The following NSUN6 variants were observed in gnomAD, a reference collection of about 807,000 sequenced individuals.
NSUN6 encodes the protein NOP2/Sun RNA methyltransferase 6, also known as tRNA (cytosine(72)-C(5))-methyltransferase NSUN6.
NSUN6 carries 64 observed loss-of-function variants against 58.0 expected under a neutral mutation model. The ratio of observed to expected loss-of-function variants is 1.10; its 90% CI spans 0.90 to 1.36. NSUN6 has a LOEUF of 1.36. NSUN6 is among the 40% of genes most tolerant of loss of function. The pLI is 0.00. For synonymous variants in NSUN6, 231 were observed against 193.9 expected, an observed-to-expected ratio of 1.19 and a Z score of -1.59; for missense variants, 701 against 550.1, an observed-to-expected ratio of 1.27 and a Z score of -2.74.
At chr10:18,620,144 G>A (rs7094592) in intron 3 of NSUN6, among the ~76,000 whole-genome samples, 1,678 of 151,202 alleles carry the variant, frequency 0.011, 32 homozygotes, top group African/African-American at 0.038. Context: ...CTGGAGTGCA[G>A]TTGCGCCATC....
In NSUN6 at chr10:18,650,985, C is replaced by T. The variant is rs374032228; in HGVS notation, c.75+144G>A. On this transcript the variant is annotated intron_variant, in intron 1 of 10. Transcript: ENST00000377304. ...CAGTAAGCTTTAATACCTGTAGAAACATATTGGTATTTTTACACTTGATAG... is the reference window on the plus strand; with the variant it reads ...CAGTAAGCTTTAATACCTGTAGAAATATATTGGTATTTTTACACTTGATAG... The T allele has an allele frequency of 1.8e-4, 159 of 865,608 alleles. No homozygotes were observed. In the African/African-American group the frequency reaches 2.3e-3, roughly 13 times the overall value. The allele number at this position is 865,608 out of a possible 1,614,324, so 53.6% of individuals were successfully genotyped here. A position where few individuals can be genotyped will look rare whatever the true frequency, so the allele number is the denominator to read the frequency against.
At chr10:18,628,011 T>G (rs2058884570) in intron 3 of NSUN6, among the ~76,000 whole-genome samples, 2 of 152,234 alleles carry the variant, frequency 1.3e-5, no homozygotes, top group African/African-American at 4.8e-5. Context: ...TGTCCCTGTC[T>G]GATAGCTTTG....
Position 18,651,554 on chromosome 10 carries a change from C to T in NSUN6, c.-351G>A, listed in dbSNP as rs970622027. The T allele has an allele frequency of 3.0e-6, 3 of 1,006,374 alleles. No homozygotes were observed. The highest frequency in any genetic ancestry group is 3.6e-6 in the Non-Finnish European group (3 of 844,020). The allele number at this position is 1,006,374 out of a possible 1,614,324, so 62.3% of individuals were successfully genotyped here. On this transcript the variant is annotated 5_prime_UTR_variant, in exon 1 of 11. Transcript: ENST00000377304. Reference sequence around the variant, plus strand: ...AACGGACGCAGATCAGTAAGCCAGGCTGACAGCAGCTCGGTCCCTTTATCT... The same window carrying T: ...AACGGACGCAGATCAGTAAGCCAGGTTGACAGCAGCTCGGTCCCTTTATCT...
At chr10:18,616,101 A>G in intron 4 of NSUN6, 83 bp downstream of exon 4, 1 of 830,300 alleles carries the variant, frequency 1.2e-6, no homozygotes, top group Non-Finnish European at 2.0e-6. Context: ...AATATATCTT[A>G]GTGACAAATC....
intron 8 of NSUN6, among the ~76,000 whole-genome samples, chr10:18,555,861 G>A (rs1455380960): frequency 2.7e-5 from 4 of 150,184 alleles, no homozygotes; most frequent in East Asian, 2.1e-4. Flanking sequence ...ATGGAGAATG[G>A]AATGGAATGG....
chr10:18,569,201 C>T (rs918162031), intron 8 of NSUN6, among the ~76,000 whole-genome samples: 1 of 150,126 alleles, frequency 6.7e-6, no homozygotes, highest in East Asian at 2.0e-4. Flanking sequence ...CATTCCATTC[C>T]ATTCTGCATT....
intron 7 of NSUN6, among the ~76,000 whole-genome samples, chr10:18,593,783 G>T (rs1055431094): frequency 6.6e-6 from 1 of 151,818 alleles, no homozygotes; most frequent in Non-Finnish European, 1.5e-5. Context: ...TAGATAACGG[G>T]TTGATAGGTA....
chr10:18,607,003 A>G (rs1564793131), intron 6 of NSUN6, among the ~76,000 whole-genome samples: 1 of 152,254 alleles, frequency 6.6e-6, no homozygotes, highest in East Asian at 1.9e-4. Context: ...TATGGCTACC[A>G]AGAGCTTCTT....
intron 7 of NSUN6, among the ~76,000 whole-genome samples, chr10:18,588,781 C>A (rs928552628): frequency 6.6e-6 from 1 of 152,182 alleles, no homozygotes; most frequent in African/African-American, 2.4e-5. Flanking sequence ...CCTCAAAGAT[C>A]AAAGGTATAT....
intron 6 of NSUN6, among the ~76,000 whole-genome samples, chr10:18,603,867 G>A (rs773779609): frequency 3.3e-4 from 50 of 152,136 alleles, no homozygotes; most frequent in Non-Finnish European, 4.3e-4. Flanking sequence ...AGCAACAGCT[G>A]AGCACTAACT....
At chr10:18,558,144 A>G (rs551321122) in intron 8 of NSUN6, among the ~76,000 whole-genome samples, 1 of 151,002 alleles carries the variant, frequency 6.6e-6, no homozygotes, top group South Asian at 2.1e-4. Flanking sequence ...ATGCGAATAG[A>G]ATGGAATGAA....
At chr10:18,656,244 G>A (rs184038897), upstream of NSUN6, among the ~76,000 whole-genome samples, 33 of 152,198 alleles carry the variant, frequency 2.2e-4, no homozygotes, top group African/African-American at 7.2e-4. Flanking sequence ...AATCACAATG[G>A]GCATTACCTT....
chr10:18,572,146 C>T (rs1359916142), intron 8 of NSUN6, among the ~76,000 whole-genome samples: 1 of 151,746 alleles, frequency 6.6e-6, no homozygotes, highest in African/African-American at 2.4e-5. Flanking sequence ...CTTCCATTCT[C>T]CATTCCACTC....
In NSUN6 at chr10:18,618,027, A is replaced by T. The variant is rs561236734; in HGVS notation, c.312-1734T>A. ...AGGTATTCTGCTATAGCAGCAAAAA[A>T]TAAACTAAGACACTCAGCGTCATCT... On this transcript the variant is annotated intron_variant, in intron 3 of 10. Transcript: ENST00000377304. Among the ~76,000 whole-genome samples, 349 of 152,338 alleles carry T rather than the reference A, an allele frequency of 2.3e-3. 3 individuals are homozygous for T. The highest frequency in any genetic ancestry group is 8.1e-3 in the African/African-American group (336 of 41,584).
At chr10:18,563,886 T>A (rs2055730329) in intron 8 of NSUN6, among the ~76,000 whole-genome samples, 1 of 151,392 alleles carries the variant, frequency 6.6e-6, no homozygotes, top group Admixed American at 6.6e-5. Context: ...CATTCTCCAT[T>A]CCATTCCATC....
intron 3 of NSUN6, among the ~76,000 whole-genome samples, 173 bp from the exon 4 acceptor site, chr10:18,616,466 C>G (rs373943866): frequency 3.3e-5 from 5 of 152,142 alleles, no homozygotes; most frequent in African/African-American, 1.2e-4. Context: ...AACAGCAACA[C>G]GAAGATGGGC....
At chr10:18,621,693 C>T (rs189724509) in intron 3 of NSUN6, among the ~76,000 whole-genome samples, 47 of 152,174 alleles carry the variant, frequency 3.1e-4, no homozygotes, top group African/African-American at 1.1e-3. Flanking sequence ...ACTATAAATA[C>T]ACCTAGATTG....
chr10:18,645,324 CA>C (rs1172982738), intron 2 of NSUN6, among the ~76,000 whole-genome samples: 1 of 151,998 alleles, frequency 6.6e-6, no homozygotes, highest in Non-Finnish European at 1.5e-5. Context: ...GTTTCCTGCA[CA>C]AAATTATATA....
chr10:18,657,908 A>G (rs2059795404), upstream of NSUN6, among the ~76,000 whole-genome samples: 1 of 152,004 alleles, frequency 6.6e-6, no homozygotes, highest in Admixed American at 6.6e-5. Context: ...CCCAGCGCCC[A>G]GCCAAATGTC....
Sources: gnomAD v4.1 joint callset for allele counts (sites outside exome capture counted in the v4.1 genomes callset) on GRCh38, gnomAD v4.1.1 for gene constraint, MANE v1.5 for transcripts, NCBI Gene and HGNC (gene_info 2026-07-23, HGNC 2026-07-21) for gene names.